The following ASIC2 variants were observed in gnomAD, a reference collection of about 807,000 sequenced individuals.
The protein encoded by ASIC2 is acid sensing ion channel subunit 2.
Under a neutral mutation model 57.3 loss-of-function variants are expected in ASIC2, and 25 were observed. The observed-to-expected ratio is 0.44, with a 90% CI of 0.32 to 0.61. The LOEUF (loss-of-function observed/expected upper bound fraction) is 0.61, where lower values mean the gene tolerates loss of function less well. Among genes scored for constraint, ASIC2 ranks in the 20% least tolerant of loss-of-function variants. The probability of loss-of-function intolerance (pLI) is 0.06; values close to 1 mark genes in which losing one functional copy is unlikely to be tolerated. For missense variants in ASIC2, 641 were observed against 738.1 expected, an observed-to-expected ratio of 0.87 and a Z score of 1.52; for synonymous variants, 319 against 307.5, an observed-to-expected ratio of 1.04 and a Z score of -0.39.
Position 33,630,388 on chromosome 17 carries a change from C to G in ASIC2, c.556-518321G>C, listed in dbSNP as rs943787396. Among the ~76,000 whole-genome samples, 4 of 152,304 alleles carry G rather than the reference C, an allele frequency of 2.6e-5. No individual in the cohort carries two copies. In the South Asian group the frequency reaches 8.3e-4, roughly 32 times the overall value. On this transcript the variant is annotated intron_variant, in intron 1 of 9. Coordinates refer to the ASIC2 transcript ENST00000359872. The stretch of plus-strand genomic sequence containing the variant: ...GACCACCTACTCAGCTTTCACGAAC[C>G]AGTCTGCACATGCCAACTCCATAAA...
chr17:33,057,758 G>A (rs906536423), intron 3 of ASIC2, among the ~76,000 whole-genome samples: 1 of 152,214 alleles, frequency 6.6e-6, no homozygotes, highest in Non-Finnish European at 1.5e-5. Flanking sequence ...AGGAAGTTCT[G>A]GGGAGGAGCT....
intron 3 of ASIC2, among the ~76,000 whole-genome samples, chr17:33,051,541 T>C (rs1467406128): frequency 1.3e-5 from 2 of 152,180 alleles, no homozygotes; most frequent in Admixed American, 1.3e-4. Context: ...GAGACTCCTG[T>C]AGGCAAGCAC....
Position 33,015,970 on chromosome 17 carries a change from C to A in ASIC2, c.1590+1G>T. 6.2e-7 allele frequency: 1 copy of A among 1,614,086 alleles called. No individual in the cohort carries two copies. The highest frequency in any genetic ancestry group is 8.5e-7 in the Non-Finnish European group (1 of 1,179,948). ...ACTTCCAATCAGTGAGCTGCTCTTA[C>A]CACATTCTCATCGTGGCTCCCTTCG... On this transcript the variant is annotated splice_donor_variant, in intron 9 of 9. Transcript: ENST00000225823. LOFTEE classifies it high-confidence loss of function.
intron 1 of ASIC2, among the ~76,000 whole-genome samples, chr17:33,329,877 G>C (rs1504574): frequency 0.1 from 15,782 of 152,180 alleles, 855 homozygotes; most frequent in Middle Eastern, 0.18. Flanking sequence ...TTTCTCCCAG[G>C]AGGAGAATGT....
Position 34,051,401 on chromosome 17 carries a change from G to A in ASIC2, c.555+104577C>T, listed in dbSNP as rs142723171. On this transcript the variant is annotated intron_variant, in intron 1 of 9. Transcript: ENST00000359872. ...TCAGCTGTGCACCTTTGGGTTAGCC[G>A]CAACCTCCCTCAGCCTGCCTCAATT... is the stretch of plus-strand genomic sequence containing the variant. 3.3e-5 allele frequency among the ~76,000 whole-genome samples: 5 copies of A among 152,288 alleles called. No individual in the cohort carries two copies. In the East Asian group the frequency reaches 7.7e-4, roughly 23 times the overall value.
upstream of ASIC2, among the ~76,000 whole-genome samples, chr17:33,298,062 C>A (rs1450488756): frequency 6.7e-6 from 1 of 149,220 alleles, no homozygotes; most frequent in East Asian, 2.0e-4. Flanking sequence ...CCCTTTTTCT[C>A]TCTCCAACTC....
intron 1 of ASIC2, among the ~76,000 whole-genome samples, chr17:33,701,442 T>C (rs1908698442): frequency 6.6e-6 from 1 of 152,216 alleles, no homozygotes; most frequent in Non-Finnish European, 1.5e-5. Context: ...TTGTCTTCTA[T>C]AGGATTCAAA....
upstream of ASIC2, among the ~76,000 whole-genome samples, chr17:33,296,488 T>C (rs937572822): frequency 4.6e-5 from 7 of 152,120 alleles, no homozygotes; most frequent in African/African-American, 1.7e-4. Context: ...CCACATAACC[T>C]CTCCACCAAG....
chr17:34,094,089 A>G (rs1446822770), intron 1 of ASIC2, among the ~76,000 whole-genome samples: 3 of 152,228 alleles, frequency 2.0e-5, no homozygotes, highest in Non-Finnish European at 2.9e-5. Flanking sequence ...GCTCTTGAAC[A>G]AACAAGTAAT....
intron 1 of ASIC2, among the ~76,000 whole-genome samples, chr17:34,067,867 C>A (rs751765119): frequency 1.2e-4 from 19 of 152,034 alleles, no homozygotes; most frequent in Non-Finnish European, 2.4e-4. Context: ...TATGGTATAG[C>A]AATATATAGA....
intron 1 of ASIC2, among the ~76,000 whole-genome samples, chr17:33,789,093 G>A (rs1290477389): frequency 6.6e-6 from 1 of 152,140 alleles, no homozygotes; most frequent in Non-Finnish European, 1.5e-5. Flanking sequence ...TGTAAGACAT[G>A]CCTGCCCCGT....
rs56192428 is a variant in ASIC2, at chr17:33,151,181, GCACA to G, written c.709-39118_709-39115del. Among the ~76,000 whole-genome samples, 357 of 146,824 alleles carry G rather than the reference GCACA, an allele frequency of 2.4e-3. 1 individual carries two copies. Among genetic ancestry groups the G allele is most frequent in the African/African-American group, 7.6e-3 (302 of 39,548 alleles). ...TCTCTACTAAAACACACACACACAC[GCACA>G]CACACACACACACACGCGCGCACAC... On this transcript the variant is annotated intron_variant, in intron 1 of 9. Transcript: ENST00000225823.
chr17:34,021,270 A>G (rs1273655389), intron 1 of ASIC2, among the ~76,000 whole-genome samples: 2 of 151,842 alleles, frequency 1.3e-5, no homozygotes, highest in South Asian at 2.1e-4. Flanking sequence ...AAAAAAATAG[A>G]CTACTGCCAT....
rs1167925876 is a variant in ASIC2, at chr17:33,017,683, A to G, written c.1443T>C (p.Gly481=). The change falls in exon 8 of 10, where the codon GGT becomes GGC. Residue 481 remains glycine, a splice_region_variant and synonymous_variant. Transcript: ENST00000225823. ...KKAYEVAALL[G]DIGGQMGLFI... ...ACAATCCCATCTGACCACCAATATC[A>G]CCTGGAGAGAGAGGGAAAAGACCAA... 6.2e-7 allele frequency: 1 copy of G among 1,611,996 alleles called. No homozygotes were observed. The highest frequency in any genetic ancestry group is 8.5e-7 in the Non-Finnish European group (1 of 1,178,190).
intron 1 of ASIC2, among the ~76,000 whole-genome samples, chr17:33,485,311 G>A (rs1021467096): frequency 6.6e-6 from 1 of 152,240 alleles, no homozygotes; most frequent in Non-Finnish European, 1.5e-5. Context: ...GTTAGGAATG[G>A]CTGCCCAGGG....
chr17:33,023,718 CAG>C, intron 6 of ASIC2, 141 bp downstream of exon 6: 5 of 1,114,332 alleles, frequency 4.5e-6, no homozygotes, highest in Non-Finnish European at 6.4e-6. Context: ...ACATGGAGCG[CAG>C]AGCGTGACAC....
chr17:33,620,388 C>T (rs1387783199), intron 1 of ASIC2, among the ~76,000 whole-genome samples: 1 of 152,086 alleles, frequency 6.6e-6, no homozygotes, highest in East Asian at 1.9e-4. Context: ...TTCAGCAATT[C>T]GTTTTTAAAT....
intron 1 of ASIC2, among the ~76,000 whole-genome samples, chr17:34,098,286 A>G (rs1203162912): frequency 6.6e-6 from 1 of 152,202 alleles, no homozygotes; most frequent in Non-Finnish European, 1.5e-5. Context: ...TAAGGCACCT[A>G]CTGACTTAAC....
rs1330850946 is a variant in ASIC2, at chr17:33,932,741, A to AATATAT, written c.555+223231_555+223236dup. ...AAAAAAAAAAAAAAAAAAAAAAAAA[A>AATATAT]ATATATATATATATATATATAGTAT... On this transcript the variant is annotated intron_variant, in intron 1 of 9. Transcript: ENST00000359872. 1.4e-3 allele frequency: 84 copies of AATATAT among 58,698 alleles called. 3 individuals carry two copies. Among genetic ancestry groups the AATATAT allele is most frequent in the East Asian group, 0.011 (13 of 1,196 alleles). 3.6% of individuals were successfully genotyped at this position (58,698 alleles called of 1,614,324 possible).
Sources: gnomAD v4.1 joint callset for allele counts (sites outside exome capture counted in the v4.1 genomes callset) on GRCh38, gnomAD v4.1.1 for gene constraint, MANE v1.5 for transcripts, NCBI Gene and HGNC (gene_info 2026-07-23, HGNC 2026-07-21) for gene names.